The following SLC8A3 variants were observed in gnomAD, a reference collection of about 807,000 sequenced individuals.
The protein encoded by SLC8A3 is solute carrier family 8 member A3, also known as sodium/calcium exchanger 3.
A neutral mutation model predicts 65.4 loss-of-function variants in SLC8A3; 37 were observed. That is an observed-to-expected ratio of 0.57 (90% CI 0.44 to 0.74). SLC8A3 has a LOEUF of 0.74. Ranked by LOEUF, SLC8A3 falls within the 30% of genes least tolerant of loss-of-function variation. The pLI, the probability that SLC8A3 is intolerant of heterozygous loss-of-function variation, is 0.00. For missense variants in SLC8A3, 1,112 were observed against 1,172.1 expected (o/e 0.95, Z 0.75); for synonymous variants, 461 against 444.5 (o/e 1.04, Z -0.47).
intron 2 of SLC8A3, chr14:70,080,100 G>C: frequency 1.0e-6 from 1 of 985,432 alleles, no homozygotes; most frequent in Non-Finnish European, 1.2e-6. Flanking sequence ...CTCTTTCCTT[G>C]ACCCCTTCCT....
At chr14:70,159,592 G>T (rs554169708) in intron 2 of SLC8A3, among the ~76,000 whole-genome samples, 45 of 152,274 alleles carry the variant, frequency 3.0e-4, no homozygotes, top group African/African-American at 1.0e-3. Flanking sequence ...TTGATGAAAA[G>T]TTGGACAGCC....
chr14:70,115,890 A>T (rs1893622727), intron 2 of SLC8A3, among the ~76,000 whole-genome samples: 1 of 152,094 alleles, frequency 6.6e-6, no homozygotes, highest in Non-Finnish European at 1.5e-5. Context: ...TTCTAGAAAA[A>T]TCTTCCTTCT....
intron 2 of SLC8A3, among the ~76,000 whole-genome samples, chr14:70,072,171 A>G (rs1385545600): frequency 6.6e-6 from 1 of 152,216 alleles, no homozygotes; most frequent in African/African-American, 2.4e-5. Context: ...GTCTGGGTTT[A>G]TAACTGGGCA....
intron 6 of SLC8A3, chr14:70,048,125 T>C (rs535013801): frequency 7.5e-5 from 12 of 159,122 alleles, no homozygotes; most frequent in Non-Finnish European, 1.5e-4. Context: ...TGTTTGTCTC[T>C]GAGTGTTCCT....
chr14:70,063,911 C>T (rs1889107317), intron 2 of SLC8A3: 1 of 1,600,750 alleles, frequency 6.2e-7, no homozygotes, highest in Non-Finnish European at 8.6e-7. Context: ...CATCAATTAC[C>T]TTGATGTGAA....
chr14:70,089,318 A>G (rs550118000), intron 2 of SLC8A3, among the ~76,000 whole-genome samples: 3 of 152,268 alleles, frequency 2.0e-5, no homozygotes, highest in Admixed American at 6.5e-5. Context: ...TAAATACTCA[A>G]TTGAAATTAC....
At chr14:70,187,234 T>C (rs1232413572) in intron 1 of SLC8A3, 1 of 151,914 alleles carries the variant, frequency 6.6e-6, no homozygotes, top group Non-Finnish European at 1.4e-5. Flanking sequence ...CGTTCGGAGG[T>C]ATGTTTTTTA....
chr14:70,120,726 T>C (rs1893998768), intron 2 of SLC8A3, among the ~76,000 whole-genome samples: 2 of 152,216 alleles, frequency 1.3e-5, no homozygotes, highest in Non-Finnish European at 2.9e-5. Flanking sequence ...TCCTTATCTG[T>C]AAAATGAGGG....
intron 2 of SLC8A3, among the ~76,000 whole-genome samples, chr14:70,128,646 C>T (rs990829406): frequency 3.9e-5 from 6 of 152,102 alleles, no homozygotes; most frequent in Non-Finnish European, 5.9e-5. Context: ...AGAAGATATC[C>T]GAAGAAGCAA....
chr14:70,154,775 A>C (rs976044819), intron 2 of SLC8A3, among the ~76,000 whole-genome samples: 1 of 152,150 alleles, frequency 6.6e-6, no homozygotes, highest in Non-Finnish European at 1.5e-5. Context: ...AATACACTGA[A>C]ATGATTTTTT....
chr14:70,167,033 ACTC>A lies in SLC8A3; in HGVS notation c.1387_1389del (p.Glu463del). ...TCGTCATCAATTATGCCCACGGAGA[ACTC>A]CTTCTGGGTCTCTCCTGGCTTCAGA... On this transcript the variant is annotated inframe_deletion, in exon 2 of 7. Transcript: ENST00000356921. 6.2e-7 allele frequency: 1 copy of A among 1,613,730 alleles called. No homozygotes were observed. Among genetic ancestry groups the A allele is most frequent in the Non-Finnish European group, 8.5e-7 (1 of 1,179,964 alleles).
chr14:70,088,372 T>C (rs149430957), intron 2 of SLC8A3, among the ~76,000 whole-genome samples: 4 of 152,316 alleles, frequency 2.6e-5, no homozygotes, highest in African/African-American at 9.6e-5. Context: ...CTTTCTTTCC[T>C]AAGGATTGCT....
chr14:70,186,756 C>T (rs977184478), intron 1 of SLC8A3, among the ~76,000 whole-genome samples: 3 of 152,150 alleles, frequency 2.0e-5, no homozygotes, highest in Non-Finnish European at 2.9e-5. Context: ...AGCCATCCTC[C>T]TTTGGAGACC....
At chr14:70,123,451 ATT>A (rs138400053) in intron 2 of SLC8A3, among the ~76,000 whole-genome samples, 1 of 143,528 alleles carries the variant, frequency 7.0e-6, no homozygotes. Context: ...TTTCCTGTCT[ATT>A]TTTTTTTTTT....
rs191080613 is a variant in SLC8A3, at chr14:70,046,863, G to C, written c.2390-540C>G. 6.5e-6 allele frequency: 1 copy of C among 154,196 alleles called. No individual in the cohort carries two copies. Among genetic ancestry groups the C allele is most frequent in the Admixed American group, 6.3e-5 (1 of 15,768 alleles). 9.6% of individuals were successfully genotyped at this position (154,196 alleles called of 1,614,324 possible). Reference sequence around the variant, plus strand: ...GGTGAACTGTGGACTCAAGGAAGACGGGGCTCTGTCTTTGTGGTTTATATA... The same window carrying C: ...GGTGAACTGTGGACTCAAGGAAGACCGGGCTCTGTCTTTGTGGTTTATATA... On this transcript the variant is annotated intron_variant, in intron 6 of 6. Coordinates refer to ENST00000356921, the MANE Select transcript of SLC8A3 (RefSeq NM_182932.3). This position sits in a 1 kb window ranked among gnomAD's most constrained non-coding sequence, Gnocchi z 4.2.
At chr14:70,132,659 T>C (rs1055170237) in intron 2 of SLC8A3, among the ~76,000 whole-genome samples, 1 of 152,216 alleles carries the variant, frequency 6.6e-6, no homozygotes, top group African/African-American at 2.4e-5. Context: ...TTTGAGGTCA[T>C]GATCCTGGCA....
chr14:70,137,024 G>A (rs553652649), intron 2 of SLC8A3, among the ~76,000 whole-genome samples: 15 of 152,298 alleles, frequency 9.8e-5, no homozygotes, highest in African/African-American at 3.6e-4. Context: ...GCTAATCAAT[G>A]TAGGTAATAC....
chr14:70,139,588 C>T (rs1339391885), intron 2 of SLC8A3, among the ~76,000 whole-genome samples: 3 of 152,252 alleles, frequency 2.0e-5, no homozygotes, highest in African/African-American at 4.8e-5. Flanking sequence ...AATGAAGCCC[C>T]GCCTTGACCT....
chr14:70,105,108 T>C lies in SLC8A3; in HGVS notation c.1785-44169A>G, dbSNP rs1011455704. Among the ~76,000 whole-genome samples, 28 of 152,128 alleles carry C rather than the reference T, an allele frequency of 1.8e-4. 1 individual carries two copies. Among genetic ancestry groups the C allele is most frequent in the Admixed American group, 1.8e-3 (27 of 15,278 alleles). On this transcript the variant is annotated intron_variant, in intron 2 of 6. Transcript: ENST00000356921. ...ACTTTGGGAGGCCGAGGCAGGTGGATCACAAGGTCAGGAGATCGAGACCAT... is the reference window on the plus strand; with the variant it reads ...ACTTTGGGAGGCCGAGGCAGGTGGACCACAAGGTCAGGAGATCGAGACCAT...
Sources: gnomAD v4.1 joint callset for allele counts (sites outside exome capture counted in the v4.1 genomes callset) on GRCh38, gnomAD v4.1.1 for gene constraint, Gnocchi (gnomAD v3.1) non-coding constraint, MANE v1.5 for transcripts, NCBI Gene and HGNC (gene_info 2026-07-23, HGNC 2026-07-21) for gene names.